The following PIP5K1C variants were observed in gnomAD, a reference collection of about 807,000 sequenced individuals.
The protein encoded by PIP5K1C is phosphatidylinositol-4-phosphate 5-kinase type 1 gamma.
A neutral mutation model predicts 80.1 loss-of-function variants in PIP5K1C; 45 were observed. That is an observed-to-expected ratio of 0.56 (90% CI 0.44 to 0.72). PIP5K1C has a LOEUF of 0.72. Among genes scored for constraint, PIP5K1C ranks in the 30% least tolerant of loss-of-function variants. The pLI, the probability that PIP5K1C is intolerant of heterozygous loss-of-function variation, is 0.00. For synonymous variants in PIP5K1C, 498 were observed against 420.1 expected, an observed-to-expected ratio of 1.19 and a Z score of -2.27; for missense variants, 753 against 954.6, an observed-to-expected ratio of 0.79 and a Z score of 2.78.
intron 13 of PIP5K1C, 147 bp from the exon 14 acceptor site, chr19:3,643,086 T>TC: frequency 6.8e-7 from 1 of 1,465,202 alleles, no homozygotes; most frequent in South Asian, 1.1e-5. Flanking sequence ...CATTGGATGC[T>TC]CCGCCCCCGC....
intron 3 of PIP5K1C, among the ~76,000 whole-genome samples, chr19:3,663,456 C>T (rs2034904213): frequency 1.3e-5 from 2 of 152,172 alleles, no homozygotes; most frequent in Non-Finnish European, 2.9e-5. Context: ...CAGACATGTG[C>T]CCAAAGATAA....
chr19:3,660,880 C>T, intron 5 of PIP5K1C, 86 bp downstream of exon 5: 1 of 1,064,452 alleles, frequency 9.4e-7, no homozygotes, highest in Non-Finnish European at 1.5e-6. Flanking sequence ...GGGAGGCTGC[C>T]CCCAAATGCC....
At position 3,637,900 on chromosome 19, in the gene PIP5K1C, G is replaced by C. The variant is rs1044171939; in HGVS notation, c.1920+984C>G. On this transcript the variant is annotated intron_variant, in intron 16 of 17. Coordinates refer to ENST00000335312, the MANE Select transcript of PIP5K1C (RefSeq NM_012398.3). This position sits in a 1 kb window ranked among gnomAD's most constrained non-coding sequence, Gnocchi z 7.0. ...CGGAGACCAGGACGCGCACAAACCA[G>C]TCCCAGGAAAAGGGGTGACGACGTG... The C allele has an allele frequency of 5.9e-5, 90 of 1,535,248 alleles. No homozygotes were observed. Among genetic ancestry groups the C allele is most frequent in the Non-Finnish European group, 7.6e-5 (87 of 1,146,700 alleles).
Position 3,644,167 on chromosome 19 carries a change from G to T in PIP5K1C, c.1430C>A (p.Ala477Asp). 1 of 1,612,256 alleles carries T rather than the reference G, an allele frequency of 6.2e-7. No individual in the cohort carries two copies. The highest frequency in any genetic ancestry group is 8.5e-7 in the Non-Finnish European group (1 of 1,179,874). ...KPLGPTAAFSASQIPSEREEA... is the reference protein window; with the variant it reads ...KPLGPTAAFSDSQIPSEREEA... ...CTCCCGCTCGCTAGGGATCTGGCTG[G>T]CCGAGAAGGCAGCGGTGGGCCCCAG... is the stretch of plus-strand genomic sequence containing the variant. Residue 477 changes from alanine to aspartate, a missense_variant, in exon 12 of 18, where the codon GCC (alanine) becomes GAC (aspartate). Transcript: ENST00000335312.
intron 6 of PIP5K1C, among the ~76,000 whole-genome samples, chr19:3,654,316 C>T (rs953726801): frequency 1.4e-4 from 22 of 152,312 alleles, no homozygotes; most frequent in African/African-American, 5.3e-4. Context: ...GAAGCAACAG[C>T]GCCCCCTGCC....
rs545777325 is a variant in PIP5K1C, at chr19:3,671,541, T to C, written c.95-4188A>G. ...GGAACGTCCCTGCACTGGGGGCCTG[T>C]AGGGTTAAGGGACTGGCCGGGGCCG... On this transcript the variant is annotated intron_variant, in intron 1 of 17. Transcript: ENST00000335312. 4.6e-5 allele frequency among the ~76,000 whole-genome samples: 7 copies of C among 151,990 alleles called. No individual in the cohort carries two copies. The East Asian group carries it at 9.7e-4, about 21-fold the overall frequency.
intron 6 of PIP5K1C, 129 bp downstream of exon 6, chr19:3,656,276 G>T: frequency 4.0e-6 from 4 of 1,007,038 alleles, no homozygotes; most frequent in Non-Finnish European, 6.1e-6. Context: ...TGAGTCCCCG[G>T]GACCCAAGAT....
At chr19:3,646,659 G>C (rs1295582337) in intron 10 of PIP5K1C, among the ~76,000 whole-genome samples, 8 of 152,206 alleles carry the variant, frequency 5.3e-5, no homozygotes, top group Non-Finnish European at 1.2e-4. Flanking sequence ...CCGGGCCTTG[G>C]CAAGGTTTAA....
At chr19:3,646,079 G>A (rs935314350) in intron 10 of PIP5K1C, 21 bp from the exon 11 acceptor site, 3 of 1,526,258 alleles carry the variant, frequency 2.0e-6, no homozygotes, top group East Asian at 2.3e-5. Context: ...GTTGGGGGGG[G>A]TGCCCGGGGG....
intron 7 of PIP5K1C, 76 bp from the exon 8 acceptor site, chr19:3,652,107 G>A: frequency 6.9e-7 from 1 of 1,450,576 alleles, no homozygotes; most frequent in Non-Finnish European, 9.6e-7. Context: ...ACCCTATGGG[G>A]TTCCCAGCAC....
chr19:3,636,083 G>A (rs945573377), intron 16 of PIP5K1C, among the ~76,000 whole-genome samples: 1 of 152,112 alleles, frequency 6.6e-6, no homozygotes, highest in African/African-American at 2.4e-5. Context: ...CTTGTACCTG[G>A]GGGGTGGAGG....
rs1290989306 is a variant in PIP5K1C, at chr19:3,700,326, G to T, written c.65C>A (p.Ala22Glu). The T allele has an allele frequency of 7.7e-7, 1 of 1,295,072 alleles. No homozygotes were observed. Among genetic ancestry groups the T allele is most frequent in the Non-Finnish European group, 1.0e-6 (1 of 1,005,006 alleles). 80.2% of individuals were successfully genotyped at this position (1,295,072 alleles called of 1,614,324 possible). The part of the protein sequence containing the change: ...AEAGAVPSEA[A>E]WAAESGAAAG... ...CGCCGCCCCGCTCTCTGCCGCCCAC[G>T]CCGCCTCCGAGGGCACGGCCCCCGC... The change falls in exon 1 of 18, where the codon GCG becomes GAG. Residue 22 changes from alanine (A) to glutamate (E), a missense_variant. Coordinates refer to ENST00000335312, the MANE Select transcript of PIP5K1C (RefSeq NM_012398.3).
Position 3,637,534 on chromosome 19 carries a change from A to G in PIP5K1C, c.1920+1350T>C, listed in dbSNP as rs2033746693. ...CCAGGGTGGCCGGCTGCGGTCACTTACAGTCCCCGAGGCGCTCAGCGTCAC... is the reference window on the plus strand; with the variant it reads ...CCAGGGTGGCCGGCTGCGGTCACTTGCAGTCCCCGAGGCGCTCAGCGTCAC... On this transcript the variant is annotated intron_variant, in intron 16 of 17. Transcript: ENST00000335312. The surrounding 1 kb of genome is among the most constrained non-coding windows in gnomAD (Gnocchi z 7.0). 6.6e-7 allele frequency: 1 copy of G among 1,523,990 alleles called. No homozygotes were observed. The highest frequency in any genetic ancestry group is 2.0e-5 in the Admixed American group (1 of 50,522). The allele number at this position is 1,523,990 out of a possible 1,614,324, so 94.4% of individuals were successfully genotyped here.
At chr19:3,634,098 C>T (rs2033573910) in intron 16 of PIP5K1C, among the ~76,000 whole-genome samples, 1 of 152,180 alleles carries the variant, frequency 6.6e-6, no homozygotes, top group Non-Finnish European at 1.5e-5. Flanking sequence ...CTGCAAGAGC[C>T]AGGAGACGCC....
chr19:3,695,095 C>A (rs966178739), intron 1 of PIP5K1C, among the ~76,000 whole-genome samples: 2 of 152,242 alleles, frequency 1.3e-5, no homozygotes, highest in Non-Finnish European at 2.9e-5. Flanking sequence ...TCTCACGTGG[C>A]CACTTGTTCC....
chr19:3,634,841 G>C (rs2145363520), intron 16 of PIP5K1C, among the ~76,000 whole-genome samples: 1 of 152,344 alleles, frequency 6.6e-6, no homozygotes, highest in African/African-American at 2.4e-5. Flanking sequence ...CCCGGGCCCT[G>C]GGCACCGAGG....
chr19:3,674,868 T>C (rs1177871692), intron 1 of PIP5K1C, among the ~76,000 whole-genome samples: 1 of 152,224 alleles, frequency 6.6e-6, no homozygotes, highest in African/African-American at 2.4e-5. Context: ...TTGGACTTCT[T>C]ACATTCAAAG....
At chr19:3,686,158 G>A (rs555946605) in intron 1 of PIP5K1C, among the ~76,000 whole-genome samples, 1 of 152,142 alleles carries the variant, frequency 6.6e-6, no homozygotes, top group Non-Finnish European at 1.5e-5. Flanking sequence ...TAGACTAAAA[G>A]CTAAAAAATT....
Position 3,648,960 on chromosome 19 carries a change from ACG to A in PIP5K1C, c.1128-254_1128-253del, listed in dbSNP as rs1322560094. Among the ~76,000 whole-genome samples the A allele has an allele frequency of 6.6e-6, 1 of 152,050 alleles. No individual in the cohort carries two copies. Among genetic ancestry groups the A allele is most frequent in the Non-Finnish European group, 1.5e-5 (1 of 67,992 alleles). On this transcript the variant is annotated intron_variant, in intron 8 of 17. Coordinates refer to ENST00000335312, the MANE Select transcript of PIP5K1C (RefSeq NM_012398.3). The surrounding 1 kb of genome is among the most constrained non-coding windows in gnomAD (Gnocchi z 4.3). ...GCCTGGGCACATACCCCCTACACAC[ACG>A]TGTGCCTGGACACACACATGCACAC... is the stretch of plus-strand genomic sequence containing the variant.
Sources: allele counts gnomAD v4.1 joint callset (sites outside exome capture counted in the v4.1 genomes callset), GRCh38; gene constraint gnomAD v4.1.1; non-coding constraint Gnocchi (gnomAD v3.1); transcripts MANE v1.5; gene names NCBI Gene and HGNC (gene_info 2026-07-23, HGNC 2026-07-21).